Variants in TAB1 observed in about 807,000 individuals in gnomAD.
TAB1 encodes the protein TGF-beta-activated kinase 1 and MAP3K7-binding protein 1.
A neutral mutation model predicts 54.5 loss-of-function variants in TAB1; 30 were observed. The ratio of observed to expected loss-of-function variants is 0.55; its 90% CI spans 0.41 to 0.75. TAB1 has a LOEUF of 0.75. TAB1 is among the 30% of genes least tolerant of loss of function. The probability of loss-of-function intolerance (pLI) is 0.00; values close to 1 mark genes in which losing one functional copy is unlikely to be tolerated. For synonymous variants in TAB1, 289 were observed against 286.9 expected, an observed-to-expected ratio of 1.01 and a Z score of -0.07; for missense variants, 609 against 683.2, an observed-to-expected ratio of 0.89 and a Z score of 1.21.
chr22:39,402,791 A>G (rs543642692), intron 1 of TAB1, among the ~76,000 whole-genome samples: 93 of 152,248 alleles, frequency 6.1e-4, no homozygotes, highest in Middle Eastern at 3.4e-3. Flanking sequence ...GCCTCAAGCA[A>G]TCCGCCTGCC....
downstream of TAB1, among the ~76,000 whole-genome samples, chr22:39,435,489 A>G (rs1927748851): frequency 6.6e-6 from 1 of 152,184 alleles, no homozygotes; most frequent in South Asian, 2.1e-4. Flanking sequence ...TTGTGTCTGA[A>G]GGTTCGCTGG....
At position 39,426,794 on chromosome 22, in the gene TAB1, A is replaced by G; in HGVS notation, c.1013A>G (p.His338Arg). 15 of 1,614,086 alleles carry G rather than the reference A, an allele frequency of 9.3e-6. No homozygotes were observed. Among genetic ancestry groups the G allele is most frequent in the Non-Finnish European group, 1.2e-5 (14 of 1,180,050 alleles). The change falls in exon 9 of 11, where the codon CAC becomes CGC. Residue 338 changes from histidine to arginine, a missense_variant. By Grantham distance (29) the His-to-Arg change is conservative. Coordinates refer to ENST00000216160, the MANE Select transcript of TAB1 (RefSeq NM_006116.3). Reference sequence around the variant, plus strand: ...GTCGTGGACCGGGTGAAGCGCATCCACAGCGACACCTTCGCCAGTGGTGGG... The same window carrying G: ...GTCGTGGACCGGGTGAAGCGCATCCGCAGCGACACCTTCGCCAGTGGTGGG... ...QAVVDRVKRI[H>R]SDTFASGGER...
rs1358999908 is a variant in TAB1, at chr22:39,415,973, T to C, written c.324+320T>C. On this transcript the variant is annotated intron_variant, in intron 3 of 10. Coordinates refer to ENST00000216160, the MANE Select transcript of TAB1 (RefSeq NM_006116.3). The surrounding 1 kb of genome is among the most constrained non-coding windows in gnomAD (Gnocchi z 4.9). ...ATGGGGTCATTTAGAGCTACCCCTT[T>C]CTTTCCTATGTGGTCAGGTGCTCAG... Among the ~76,000 whole-genome samples, 2 of 152,178 alleles carry C rather than the reference T, an allele frequency of 1.3e-5. No individual in the cohort carries two copies. The highest frequency in any genetic ancestry group is 4.8e-5 in the African/African-American group (2 of 41,454).
At position 39,431,117 on chromosome 22, in the gene TAB1, G is replaced by A; in HGVS notation, c.*895G>A. The A allele has an allele frequency of 1.0e-6, 1 of 985,956 alleles. No individual in the cohort carries two copies. Among genetic ancestry groups the A allele is most frequent in the Non-Finnish European group, 1.2e-6 (1 of 830,324 alleles). 61.1% of individuals were successfully genotyped at this position (985,956 alleles called of 1,614,324 possible). A position where few individuals can be genotyped will look rare whatever the true frequency, so the allele number is the denominator to read the frequency against. On this transcript the variant is annotated 3_prime_UTR_variant, in exon 11 of 11. Transcript: ENST00000216160. Reference sequence around the variant, plus strand: ...TGCCGGCTGAGGGTAGCAAGCAGGGGTTGTGAGTCAGGCTGGGGGACTTGT... The same window carrying A: ...TGCCGGCTGAGGGTAGCAAGCAGGGATTGTGAGTCAGGCTGGGGGACTTGT...
intron 1 of TAB1, 104 bp from the exon 2 acceptor site, chr22:39,414,902 A>G: frequency 7.5e-7 from 1 of 1,334,558 alleles, no homozygotes; most frequent in Non-Finnish European, 1.1e-6. Context: ...CCCTCTGTGT[A>G]GGGCTGCGGG....
downstream of TAB1, among the ~76,000 whole-genome samples, chr22:39,434,295 C>G (rs1479056096): frequency 1.3e-5 from 2 of 152,276 alleles, no homozygotes; most frequent in East Asian, 3.8e-4. Flanking sequence ...AGGGCTCAGC[C>G]TGGGCCCTGG....
chr22:39,413,704 C>T (rs980781918), intron 1 of TAB1, among the ~76,000 whole-genome samples: 15 of 152,192 alleles, frequency 9.9e-5, no homozygotes, highest in African/African-American at 1.9e-4. Context: ...GGATTACGGG[C>T]GTGAGCCACT....
At chr22:39,424,967 G>A (rs973059821) in intron 8 of TAB1, among the ~76,000 whole-genome samples, 11 of 152,004 alleles carry the variant, frequency 7.2e-5, no homozygotes, top group Non-Finnish European at 1.5e-4. Context: ...CTCCTGCCCC[G>A]CCCAAAAGAA....
At chr22:39,429,465 C>T (rs1432706013) in intron 10 of TAB1, 1 of 667,290 alleles carries the variant, frequency 1.5e-6, no homozygotes, top group East Asian at 1.4e-4. Flanking sequence ...GACGCTTGAA[C>T]TGAGTGTTCC....
rs1468043031 is a variant in TAB1 at position 39,431,871 on chromosome 22, T to C, written c.*1649T>C. The C allele has an allele frequency of 1.0e-6, 1 of 985,296 alleles. No individual in the cohort carries two copies. Among genetic ancestry groups the C allele is most frequent in the Non-Finnish European group, 1.2e-6 (1 of 829,922 alleles). The allele number at this position is 985,296 out of a possible 1,614,324, so 61.0% of individuals were successfully genotyped here. A position where few individuals can be genotyped will look rare whatever the true frequency, so the allele number is the denominator to read the frequency against. On this transcript the variant is annotated 3_prime_UTR_variant, in exon 11 of 11. Transcript: ENST00000216160. ...AAGTAATAAATGGTGGCATTACACA[T>C]TGTGATATTAATAGCGCTGTTGCTC...
intron 8 of TAB1, among the ~76,000 whole-genome samples, chr22:39,422,657 A>G (rs1927146562): frequency 6.6e-6 from 1 of 151,962 alleles, no homozygotes; most frequent in African/African-American, 2.4e-5. Flanking sequence ...TCAGCCTCCC[A>G]AAGTGCTGGG....
chr22:39,420,456 T>C (rs569736257), intron 7 of TAB1, among the ~76,000 whole-genome samples: 1 of 152,326 alleles, frequency 6.6e-6, no homozygotes, highest in African/African-American at 2.4e-5. Flanking sequence ...TTTAATGTCA[T>C]GGCCAAGGCT....
chr22:39,435,749 G>T (rs749468105), downstream of TAB1, among the ~76,000 whole-genome samples: 1 of 152,168 alleles, frequency 6.6e-6, no homozygotes, highest in Non-Finnish European at 1.5e-5. Flanking sequence ...TGGCTCTACA[G>T]CACAGTCCTT....
Position 39,431,199 on chromosome 22 carries a change from A to AG in TAB1, c.*978dup. On this transcript the variant is annotated 3_prime_UTR_variant, in exon 11 of 11. Coordinates refer to ENST00000216160, the MANE Select transcript of TAB1 (RefSeq NM_006116.3). ...GGAGGGAAGAGGTTCTTTGAGACAC[A>AG]GTACCCTGGGAGGCATAGGAGAAGG... The AG allele has an allele frequency of 1.0e-6, 1 of 985,704 alleles. No individual in the cohort carries two copies. The highest frequency in any genetic ancestry group is 1.2e-6 in the Non-Finnish European group (1 of 830,118). The allele number at this position is 985,704 out of a possible 1,614,324, so 61.1% of individuals were successfully genotyped here.
intron 7 of TAB1, among the ~76,000 whole-genome samples, chr22:39,421,066 G>T (rs1927069685): frequency 6.6e-6 from 1 of 150,918 alleles, no homozygotes; most frequent in South Asian, 2.1e-4. Context: ...GGTGTGTCCT[G>T]CTCCTCCTTC....
At chr22:39,419,442 G>T in intron 6 of TAB1, 77 bp from the exon 7 acceptor site, 2 of 1,241,828 alleles carry the variant, frequency 1.6e-6, no homozygotes, top group South Asian at 1.4e-5. Context: ...TTCTTCCCAT[G>T]ACTGTGTCTC....
chr22:39,415,088 C>T lies in TAB1; in HGVS notation c.116C>T (p.Ala39Val). The change falls in exon 2 of 11, where the codon GCT becomes GTT. Residue 39 changes from alanine (A) to valine (V), a missense_variant. Physicochemically the swap from Ala to Val is moderately conservative, Grantham distance 64 (BLOSUM62 0). Transcript: ENST00000216160. The surrounding 1 kb of genome is among the most constrained non-coding windows in gnomAD (Gnocchi z 4.9). ...VGSASNRSYS[A>V]DGKGTESHPP... is the part of the protein sequence containing the mutation. ...TCAGCCTCCAACCGCAGCTACTCTGCTGATGGCAAGGGCACTGAGAGCCAC... is the reference window on the plus strand; with the variant it reads ...TCAGCCTCCAACCGCAGCTACTCTGTTGATGGCAAGGGCACTGAGAGCCAC... 1.2e-6 allele frequency: 2 copies of T among 1,612,738 alleles called. No homozygotes were observed. The highest frequency in any genetic ancestry group is 1.7e-6 in the Non-Finnish European group (2 of 1,179,036).
At chr22:39,420,993 T>G (rs1458309584) in intron 7 of TAB1, among the ~76,000 whole-genome samples, 1 of 145,864 alleles carries the variant, frequency 6.9e-6, no homozygotes, top group Non-Finnish European at 1.5e-5. Context: ...GTCCTGCCCC[T>G]CCCAGGTGCT....
intron 1 of TAB1, among the ~76,000 whole-genome samples, chr22:39,414,010 G>C (rs1472617951): frequency 6.6e-6 from 1 of 152,228 alleles, no homozygotes; most frequent in Non-Finnish European, 1.5e-5. Context: ...CCAGGGCCTG[G>C]ACCGCTGTGT....
Sources: gnomAD v4.1 joint callset for allele counts (sites outside exome capture counted in the v4.1 genomes callset) on GRCh38, gnomAD v4.1.1 for gene constraint, Gnocchi (gnomAD v3.1) non-coding constraint, MANE v1.5 for transcripts, NCBI Gene and HGNC (gene_info 2026-07-23, HGNC 2026-07-21) for gene names.